The following MGAT4C variants were observed in gnomAD, a reference collection of about 807,000 sequenced individuals.
The protein encoded by MGAT4C is MGAT4 family member C.
Under a neutral mutation model 40.1 loss-of-function variants are expected in MGAT4C, and 19 were observed. The ratio of observed to expected loss-of-function variants is 0.47; its 90% confidence interval spans 0.33 to 0.70. The LOEUF (loss-of-function observed/expected upper bound fraction) is 0.70, where lower values mean the gene tolerates loss of function less well. Among genes scored for constraint, MGAT4C ranks in the 30% least tolerant of loss-of-function variants. The pLI is 0.02. For synonymous variants in MGAT4C, 181 were observed against 187.1 expected (o/e 0.97, Z 0.27); for missense variants, 491 against 563.2 (o/e 0.87, Z 1.30).
chr12:86,601,810 C>T (rs1351005672), intron 2 of MGAT4C, among the ~76,000 whole-genome samples: 1 of 152,140 alleles, frequency 6.6e-6, no homozygotes, highest in Non-Finnish European at 1.5e-5. Context: ...GCTAAACACA[C>T]ACACCCCACC....
chr12:86,255,187 G>A (rs1005001048), intron 1 of MGAT4C, among the ~76,000 whole-genome samples: 3 of 152,042 alleles, frequency 2.0e-5, no homozygotes, highest in African/African-American at 2.4e-5. Flanking sequence ...AAAAGAGCAC[G>A]TTAAACAAAA....
chr12:86,576,233 C>A (rs1281196825), intron 2 of MGAT4C, among the ~76,000 whole-genome samples: 1 of 151,974 alleles, frequency 6.6e-6, no homozygotes, highest in Non-Finnish European at 1.5e-5. Context: ...CATTATTAAT[C>A]CCTTGTCAGA....
At chr12:86,727,902 A>G (rs1410324111) in intron 1 of MGAT4C, among the ~76,000 whole-genome samples, 2 of 152,152 alleles carry the variant, frequency 1.3e-5, no homozygotes, top group Non-Finnish European at 2.9e-5. Context: ...AAAAAAAGAA[A>G]CAAACAAAAA....
At chr12:86,405,906 G>C (rs1370083890) in intron 3 of MGAT4C, among the ~76,000 whole-genome samples, 1 of 57,864 alleles carries the variant, frequency 1.7e-5, no homozygotes, top group Non-Finnish European at 3.7e-5. Context: ...ACATACATAG[G>C]TAATATGTAT....
At chr12:86,112,995 T>A (rs2135651078) in intron 1 of MGAT4C, among the ~76,000 whole-genome samples, 1 of 151,576 alleles carries the variant, frequency 6.6e-6, no homozygotes, top group Non-Finnish European at 1.5e-5. Context: ...AAAATATAAC[T>A]GAAGCTGGAA....
At chr12:86,097,658 G>A (rs1171151217) in intron 1 of MGAT4C, among the ~76,000 whole-genome samples, 1 of 151,478 alleles carries the variant, frequency 6.6e-6, no homozygotes, top group African/African-American at 2.4e-5. Flanking sequence ...GCTTATCAGA[G>A]TTATTTAGTA....
intron 2 of MGAT4C, among the ~76,000 whole-genome samples, chr12:86,530,468 AT>A (rs1958962323): frequency 6.6e-6 from 1 of 152,172 alleles, no homozygotes; most frequent in East Asian, 1.9e-4. Context: ...TTAGAAATAA[AT>A]AAAATGAATA....
At chr12:86,222,687 A>G (rs1487916616) in intron 1 of MGAT4C, among the ~76,000 whole-genome samples, 1 of 152,214 alleles carries the variant, frequency 6.6e-6, no homozygotes, top group Non-Finnish European at 1.5e-5. Context: ...CTATTATAAT[A>G]TTATTCCTTT....
chr12:86,513,114 C>G (rs1160578510), intron 2 of MGAT4C, among the ~76,000 whole-genome samples: 1 of 152,024 alleles, frequency 6.6e-6, no homozygotes, highest in Admixed American at 6.6e-5. Flanking sequence ...TGTATCCCCA[C>G]AATTCTTATA....
chr12:86,649,848 T>A (rs376376892), intron 2 of MGAT4C, among the ~76,000 whole-genome samples: 39 of 152,012 alleles, frequency 2.6e-4, no homozygotes, highest in East Asian at 2.3e-3. Context: ...AGATTTTGAG[T>A]CATATATTTA....
intron 2 of MGAT4C, among the ~76,000 whole-genome samples, chr12:86,676,322 G>A (rs572198800): frequency 6.6e-6 from 1 of 152,278 alleles, no homozygotes; most frequent in Admixed American, 6.5e-5. Flanking sequence ...AGCATGGAAA[G>A]CTTAATTTTA....
In MGAT4C at chr12:86,360,170, G is replaced by A. The variant is rs537583137; in HGVS notation, c.-119-26043C>T. On this transcript the variant is annotated intron_variant, in intron 3 of 7. Coordinates refer to the MGAT4C transcript ENST00000548651. ...GTCAGCTTCATCCCTGGGATGCAAG[G>A]CTGGTTCAACATACACAAATCAATA... is the stretch of plus-strand genomic sequence containing the variant. Among the ~76,000 whole-genome samples the A allele has an allele frequency of 5.3e-5, 8 of 152,242 alleles. No homozygotes were observed. In the East Asian group the frequency reaches 1.5e-3, roughly 29 times the overall value.
chr12:86,556,925 T>G (rs1268170146), intron 2 of MGAT4C, among the ~76,000 whole-genome samples: 1 of 152,124 alleles, frequency 6.6e-6, no homozygotes, highest in African/African-American at 2.4e-5. Flanking sequence ...TTGATTTTAT[T>G]CGACTATTTT....
chr12:86,737,185 C>T (rs1486119072), intron 1 of MGAT4C, among the ~76,000 whole-genome samples: 2 of 151,370 alleles, frequency 1.3e-5, no homozygotes, highest in Non-Finnish European at 3.0e-5. Context: ...GGTCAACTAT[C>T]ATCAAATTTT....
rs117955457 is a variant in MGAT4C at position 86,534,497 on chromosome 12, T to C, written c.-228-99232A>G. Among the ~76,000 whole-genome samples the C allele has an allele frequency of 5.5e-3, 838 of 152,262 alleles. 3 individuals carry two copies. Among genetic ancestry groups the C allele is most frequent in the Middle Eastern group, 0.01 (3 of 294 alleles). On this transcript the variant is annotated intron_variant, in intron 2 of 7. Transcript: ENST00000548651. ...ACCTTAGGAACATGTTCTCAGTACT[T>C]CTTGGTGTTCATGGTTCACACAGTC... is the stretch of plus-strand genomic sequence containing the variant.
chr12:86,175,967 C>G (rs2135848304), intron 1 of MGAT4C, among the ~76,000 whole-genome samples: 1 of 152,258 alleles, frequency 6.6e-6, no homozygotes, highest in Admixed American at 6.5e-5. Context: ...GAGACTCCGT[C>G]TCAAAACAAA....
chr12:86,303,718 C>T (rs201254272), intron 4 of MGAT4C, among the ~76,000 whole-genome samples: 1 of 150,278 alleles, frequency 6.7e-6, no homozygotes, highest in African/African-American at 2.5e-5. Flanking sequence ...TATACAGAAA[C>T]ATAAAAATTA....
At chr12:86,234,621 C>T (rs1951454778) in intron 1 of MGAT4C, among the ~76,000 whole-genome samples, 1 of 152,134 alleles carries the variant, frequency 6.6e-6, no homozygotes, top group Non-Finnish European at 1.5e-5. Flanking sequence ...ACAACTCATA[C>T]ATCAGTGCAA....
At chr12:85,987,429 G>A (rs1195311679) in intron 3 of MGAT4C, among the ~76,000 whole-genome samples, 1 of 151,972 alleles carries the variant, frequency 6.6e-6, no homozygotes, top group Non-Finnish European at 1.5e-5. Flanking sequence ...GAGCCACCGC[G>A]CCCGGCCAAT....
Sources: allele counts gnomAD v4.1 joint callset (sites outside exome capture counted in the v4.1 genomes callset), GRCh38; gene constraint gnomAD v4.1.1; transcripts MANE v1.5; gene names NCBI Gene and HGNC (gene_info 2026-07-23, HGNC 2026-07-21).